Variants in ZNF385D observed in about 807,000 individuals in gnomAD.
The protein encoded by ZNF385D is zinc finger protein 659.
In ZNF385D, 15 loss-of-function variants were observed where a neutral mutation model predicts 35.8. That is an observed-to-expected ratio of 0.42 (90% confidence interval 0.28 to 0.64). The LOEUF (loss-of-function observed/expected upper bound fraction) is 0.64. ZNF385D is among the 30% of genes least tolerant of loss of function. The pLI is 0.23. For missense variants in ZNF385D, 474 were observed against 494.6 expected, an observed-to-expected ratio of 0.96 and a Z score of 0.39; for synonymous variants, 212 against 186.8, an observed-to-expected ratio of 1.13 and a Z score of -1.10.
intron 3 of ZNF385D, among the ~76,000 whole-genome samples, chr3:21,761,530 G>A (rs956915482): frequency 6.6e-6 from 1 of 152,172 alleles, no homozygotes; most frequent in Non-Finnish European, 1.5e-5. Context: ...TACCCATGAA[G>A]TGATAATGTG....
intron 2 of ZNF385D, among the ~76,000 whole-genome samples, chr3:22,204,757 G>A (rs773448172): frequency 6.7e-6 from 1 of 148,728 alleles, no homozygotes; most frequent in Non-Finnish European, 1.5e-5. Flanking sequence ...TACCAGAATT[G>A]ATCATACAAA....
intron 3 of ZNF385D, among the ~76,000 whole-genome samples, chr3:22,039,917 C>G (rs1261519749): frequency 6.6e-6 from 1 of 152,108 alleles, no homozygotes; most frequent in Non-Finnish European, 1.5e-5. Context: ...GCTCCCTTGT[C>G]CTCTGACTTT....
chr3:21,928,710 T>C lies in ZNF385D; in HGVS notation c.325+240107A>G, dbSNP rs144054270. On this transcript the variant is annotated intron_variant, in intron 3 of 5. Coordinates refer to the ZNF385D transcript ENST00000494108. ...TTAAAATAAAGAAACGTTATAACAGTATTATGCCAACACCTAGACATTTAG... is the reference window on the plus strand; with the variant it reads ...TTAAAATAAAGAAACGTTATAACAGCATTATGCCAACACCTAGACATTTAG... Among the ~76,000 whole-genome samples the C allele has an allele frequency of 7.5e-3, 1,146 of 152,276 alleles. 13 individuals carry two copies. The highest frequency in any genetic ancestry group is 0.023 in the African/African-American group (940 of 41,558).
intron 2 of ZNF385D, among the ~76,000 whole-genome samples, chr3:22,184,542 G>A (rs745773737): frequency 6.6e-6 from 1 of 151,990 alleles, no homozygotes; most frequent in Non-Finnish European, 1.5e-5. Flanking sequence ...ATAGACAAAC[G>A]GGGCCAGGTA....
At chr3:21,727,158 T>C (rs1320298794) in intron 1 of ZNF385D, among the ~76,000 whole-genome samples, 1 of 152,126 alleles carries the variant, frequency 6.6e-6, no homozygotes, top group Non-Finnish European at 1.5e-5. Flanking sequence ...TTACACCTTA[T>C]ACAAAAATTA....
At chr3:22,105,102 T>G (rs528193283) in intron 3 of ZNF385D, among the ~76,000 whole-genome samples, 2 of 152,256 alleles carry the variant, frequency 1.3e-5, no homozygotes, top group African/African-American at 4.8e-5. Context: ...CCAAGATAAG[T>G]ATTCACTTTT....
chr3:21,978,827 T>A (rs759151969), intron 3 of ZNF385D, among the ~76,000 whole-genome samples: 5 of 152,178 alleles, frequency 3.3e-5, no homozygotes, highest in Non-Finnish European at 7.4e-5. Flanking sequence ...TGACAAATGT[T>A]TCCTGCATTA....
intron 3 of ZNF385D, among the ~76,000 whole-genome samples, chr3:22,140,732 T>C (rs968879078): frequency 2.0e-5 from 3 of 152,200 alleles, no homozygotes; most frequent in Non-Finnish European, 2.9e-5. Context: ...CTAAAATGCA[T>C]TGGAAAAATA....
intron 3 of ZNF385D, among the ~76,000 whole-genome samples, chr3:22,149,996 A>C (rs1705116207): frequency 6.6e-6 from 1 of 152,196 alleles, no homozygotes; most frequent in Non-Finnish European, 1.5e-5. Flanking sequence ...TTTATGTCCA[A>C]ATAACTCAGT....
At chr3:21,729,381 T>A (rs1168554940) in intron 1 of ZNF385D, among the ~76,000 whole-genome samples, 1 of 152,140 alleles carries the variant, frequency 6.6e-6, no homozygotes, top group African/African-American at 2.4e-5. Flanking sequence ...AGAAGCAACA[T>A]TTATTTTATA....
At chr3:22,109,432 T>C (rs572808335) in intron 3 of ZNF385D, among the ~76,000 whole-genome samples, 29 of 152,336 alleles carry the variant, frequency 1.9e-4, no homozygotes, top group African/African-American at 6.7e-4. Flanking sequence ...CAGTAAAGCT[T>C]GAGCTATCTG....
intron 2 of ZNF385D, among the ~76,000 whole-genome samples, chr3:22,254,719 A>C (rs1700226841): frequency 6.6e-6 from 1 of 151,808 alleles, no homozygotes; most frequent in African/African-American, 2.4e-5. Context: ...ACTAATAGAA[A>C]AATTATAATA....
chr3:22,206,553 A>G (rs74354046), intron 2 of ZNF385D, among the ~76,000 whole-genome samples: 2,276 of 151,922 alleles, frequency 0.015, 55 homozygotes, highest in African/African-American at 0.052. Flanking sequence ...AAACATCCAG[A>G]AAAAAAAGAA....
intron 2 of ZNF385D, among the ~76,000 whole-genome samples, chr3:22,189,195 T>C (rs528689706): frequency 1.1e-4 from 17 of 152,188 alleles, no homozygotes; most frequent in Non-Finnish European, 2.2e-4. Flanking sequence ...TTATGAACTG[T>C]GTTTCTCAAC....
chr3:21,550,529 C>T (rs1031000136), intron 3 of ZNF385D, among the ~76,000 whole-genome samples: 10 of 152,162 alleles, frequency 6.6e-5, no homozygotes, highest in African/African-American at 2.4e-4. Flanking sequence ...GTTGCCCAGG[C>T]TGGAGTGCAG....
At position 21,908,157 on chromosome 3, in the gene ZNF385D, T is replaced by TCTATCTATCTATCTATCTATCTATCTAC. The variant is rs1553696865; in HGVS notation, c.326-243130_326-243129insGTAGATAGATAGATAGATAGATAGATAG. Among the ~76,000 whole-genome samples the TCTATCTATCTATCTATCTATCTATCTAC allele has an allele frequency of 1.0e-4, 15 of 150,276 alleles. 1 individual carries two copies. Among genetic ancestry groups the TCTATCTATCTATCTATCTATCTATCTAC allele is most frequent in the South Asian group, 6.3e-4 (3 of 4,766 alleles). On this transcript the variant is annotated intron_variant, in intron 3 of 5. Coordinates refer to the ZNF385D transcript ENST00000494108. ...ATCTATCTATCTATCTATCTATCTA[T>TCTATCTATCTATCTATCTATCTATCTAC]CTATCTATCTATCTATATATGTATA...
intron 1 of ZNF385D, among the ~76,000 whole-genome samples, chr3:21,713,430 G>T (rs1273345145): frequency 2.6e-5 from 4 of 152,054 alleles, no homozygotes; most frequent in African/African-American, 9.7e-5. Flanking sequence ...CCACCCTCCT[G>T]ATACCACTGG....
intron 3 of ZNF385D, among the ~76,000 whole-genome samples, chr3:22,013,462 A>G (rs1429023293): frequency 6.6e-6 from 1 of 152,074 alleles, no homozygotes; most frequent in African/African-American, 2.4e-5. Flanking sequence ...ACTGTAAAAT[A>G]TTTATATTTA....
chr3:21,619,436 GTGTC>G (rs946247425), intron 2 of ZNF385D, among the ~76,000 whole-genome samples: 4 of 147,270 alleles, frequency 2.7e-5, no homozygotes, highest in Non-Finnish European at 4.5e-5. Flanking sequence ...GTGTGTGTGT[GTGTC>G]TATGCATGTA....
Sources: gnomAD v4.1 joint callset for allele counts (sites outside exome capture counted in the v4.1 genomes callset) on GRCh38, gnomAD v4.1.1 for gene constraint, MANE v1.5 for transcripts, NCBI Gene and HGNC (gene_info 2026-07-23, HGNC 2026-07-21) for gene names.